Variants in CDH13 observed in about 807,000 individuals in gnomAD.
CDH13 encodes the protein cadherin 13, also known as cadherin-13.
In CDH13, 24 loss-of-function variants were observed where a neutral mutation model predicts 63.8. That is an observed-to-expected ratio of 0.38 (90% confidence interval 0.27 to 0.53). The LOEUF is 0.53. CDH13 is among the 20% of genes least tolerant of loss of function. CDH13 has a pLI of 0.85. For missense variants in CDH13, 1,049 were observed against 903.1 expected, an observed-to-expected ratio of 1.16 and a Z score of -2.07; for synonymous variants, 503 against 355.3, an observed-to-expected ratio of 1.42 and a Z score of -4.67.
Position 82,980,609 on chromosome 16 carries a change from C to A in CDH13, c.158-51401C>A, listed in dbSNP as rs1199110756. Among the ~76,000 whole-genome samples the A allele has an allele frequency of 5.3e-5, 8 of 152,308 alleles. 1 individual carries two copies. The highest frequency in any genetic ancestry group is 2.6e-4 in the Admixed American group (4 of 15,298). On this transcript the variant is annotated intron_variant, in intron 2 of 13. Coordinates refer to ENST00000567109, the MANE Select transcript of CDH13 (RefSeq NM_001257.5). ...CAAACATCTCTTTCAATCCTCCCAA[C>A]AATCTAGGAAGATAAGTTATGGTCT...
chr16:83,750,585 C>G (rs1281540202), intron 11 of CDH13, among the ~76,000 whole-genome samples: 1 of 152,050 alleles, frequency 6.6e-6, no homozygotes, highest in East Asian at 1.9e-4. Context: ...GGGCCCTGAT[C>G]CAATATGATT....
chr16:83,575,323 G>A (rs894038024), intron 7 of CDH13, among the ~76,000 whole-genome samples: 2 of 152,168 alleles, frequency 1.3e-5, no homozygotes, highest in African/African-American at 4.8e-5. Flanking sequence ...TTATATCTCA[G>A]AAAGCTGTTA....
intron 7 of CDH13, among the ~76,000 whole-genome samples, chr16:83,584,901 G>A (rs1013195696): frequency 2.1e-5 from 3 of 143,516 alleles, no homozygotes; most frequent in African/African-American, 7.7e-5. Flanking sequence ...ACAGAAGCAA[G>A]AGATAGGGGG....
chr16:82,854,308 G>C (rs575969009), intron 1 of CDH13, among the ~76,000 whole-genome samples: 1 of 150,568 alleles, frequency 6.6e-6, no homozygotes, highest in South Asian at 2.1e-4. Context: ...GGCTGAGGCA[G>C]GAGAATGGCA....
chr16:82,901,566 G>C (rs895057044), intron 2 of CDH13, among the ~76,000 whole-genome samples: 9 of 152,104 alleles, frequency 5.9e-5, no homozygotes, highest in African/African-American at 1.7e-4. Context: ...CTAGGTTCTA[G>C]AAGGCACCCT....
chr16:83,741,984 C>G (rs1343226596), intron 10 of CDH13, among the ~76,000 whole-genome samples: 1 of 152,228 alleles, frequency 6.6e-6, no homozygotes, highest in East Asian at 1.9e-4. Context: ...GAAAAATTGT[C>G]TTCCACGAAA....
At chr16:83,629,510 AT>A (rs1394156217) in intron 8 of CDH13, among the ~76,000 whole-genome samples, 3 of 152,236 alleles carry the variant, frequency 2.0e-5, no homozygotes, top group African/African-American at 7.2e-5. Context: ...GCAGCATGCC[AT>A]CTCTCCACTT....
At chr16:83,524,344 A>G (rs140598639) in intron 7 of CDH13, among the ~76,000 whole-genome samples, 338 of 150,676 alleles carry the variant, frequency 2.2e-3, no homozygotes, top group African/African-American at 7.8e-3. Flanking sequence ...CCACATTATT[A>G]TGGGTTCTTT....
chr16:83,646,386 A>C (rs1911795818), intron 8 of CDH13, among the ~76,000 whole-genome samples: 2 of 152,154 alleles, frequency 1.3e-5, no homozygotes, highest in Non-Finnish European at 2.9e-5. Flanking sequence ...GCCGTTCTGC[A>C]GGGCTCAACT....
At chr16:83,051,187 A>G (rs1445211675) in intron 3 of CDH13, among the ~76,000 whole-genome samples, 1 of 152,166 alleles carries the variant, frequency 6.6e-6, no homozygotes, top group Non-Finnish European at 1.5e-5. Flanking sequence ...CTGAGCCACA[A>G]CGAAATGAGT....
At chr16:83,102,549 C>T (rs1185859771) in intron 3 of CDH13, among the ~76,000 whole-genome samples, 1 of 152,144 alleles carries the variant, frequency 6.6e-6, no homozygotes, top group African/African-American at 2.4e-5. Flanking sequence ...AACAAGGACA[C>T]TGGCTTCACT....
At chr16:83,697,217 G>T (rs1018979684) in intron 10 of CDH13, among the ~76,000 whole-genome samples, 5 of 152,172 alleles carry the variant, frequency 3.3e-5, no homozygotes, top group South Asian at 2.1e-4. Flanking sequence ...AAAAATTTGA[G>T]TTCACCTGAC....
chr16:82,945,887 G>A (rs1014746362), intron 2 of CDH13, among the ~76,000 whole-genome samples: 7 of 152,114 alleles, frequency 4.6e-5, no homozygotes, highest in Non-Finnish European at 1.0e-4. Context: ...CATTTCCTAG[G>A]GACACTCTCA....
At chr16:82,664,683 A>C (rs1303139213) in intron 1 of CDH13, among the ~76,000 whole-genome samples, 4 of 152,232 alleles carry the variant, frequency 2.6e-5, no homozygotes, top group African/African-American at 9.6e-5. Flanking sequence ...AAAGAGAAGA[A>C]AATCTTGTTA....
chr16:83,526,343 C>G (rs536136410), intron 7 of CDH13, among the ~76,000 whole-genome samples: 1 of 152,246 alleles, frequency 6.6e-6, no homozygotes, highest in East Asian at 1.9e-4. Flanking sequence ...TTTTTGGCAC[C>G]AGAAACCAGT....
rs185119537 is a variant in CDH13, at chr16:83,101,866, G to A, written c.367-23519G>A. On this transcript the variant is annotated intron_variant, in intron 3 of 13. Transcript: ENST00000567109. ...GGTGACTTGTGAGGAAAGGTCTGAG[G>A]AAAGTGAAAGAACTGCTGTGGAAGA... Among the ~76,000 whole-genome samples the A allele has an allele frequency of 5.3e-4, 81 of 152,272 alleles. No homozygotes were observed. The East Asian group carries it at 9.5e-3, about 18-fold the overall frequency.
chr16:83,468,064 C>T (rs1003888509), intron 6 of CDH13, among the ~76,000 whole-genome samples: 2 of 152,228 alleles, frequency 1.3e-5, no homozygotes, highest in East Asian at 3.8e-4. Flanking sequence ...TTCTCTCTTG[C>T]TTCCATGCCC....
chr16:83,121,646 A>G (rs933771792), intron 3 of CDH13, among the ~76,000 whole-genome samples: 2 of 152,220 alleles, frequency 1.3e-5, no homozygotes, highest in Non-Finnish European at 2.9e-5. Context: ...TGTCCCTGCT[A>G]TGGAACATTT....
intron 1 of CDH13, among the ~76,000 whole-genome samples, chr16:82,630,097 A>G (rs1314981824): frequency 6.6e-6 from 1 of 152,194 alleles, no homozygotes; most frequent in Non-Finnish European, 1.5e-5. Context: ...CTTGATTTTC[A>G]GGATTTTCAA....
Sources: allele counts gnomAD v4.1 joint callset (sites outside exome capture counted in the v4.1 genomes callset), GRCh38; gene constraint gnomAD v4.1.1; transcripts MANE v1.5; gene names NCBI Gene and HGNC (gene_info 2026-07-23, HGNC 2026-07-21).